The following SRGAP2B variants were observed in gnomAD, a reference collection of about 807,000 sequenced individuals.
The protein encoded by SRGAP2B is SLIT-ROBO Rho GTPase activating protein 2B.
In SRGAP2B, 9 loss-of-function variants were observed where a neutral mutation model predicts 22.2. That is an observed-to-expected ratio of 0.41 (90% confidence interval 0.24 to 0.71). The LOEUF is 0.71. Ranked by LOEUF, SRGAP2B falls within the 30% of genes least tolerant of loss-of-function variation. The probability of loss-of-function intolerance (pLI) is 0.35; values close to 1 mark genes in which losing one functional copy is unlikely to be tolerated. For missense variants in SRGAP2B, 114 were observed against 235.8 expected, an observed-to-expected ratio of 0.48 and a Z score of 3.38; for synonymous variants, 36 against 87.4, an observed-to-expected ratio of 0.41 and a Z score of 3.28.
rs1246754545 is a variant in SRGAP2B, at chr1:145,040,509, G to A, written c.68-45309C>T. Among the ~76,000 whole-genome samples, 5 of 150,672 alleles carry A rather than the reference G, an allele frequency of 3.3e-5. No homozygotes were observed. In the East Asian group the frequency reaches 9.8e-4, roughly 30 times the overall value. On this transcript the variant is annotated intron_variant, in intron 2 of 9. Coordinates refer to ENST00000612199, the Ensembl canonical transcript of SRGAP2B. Reference sequence around the variant, plus strand: ...AGATAGTAAATATTTTAGGCTTCTGGGCCATATGTTCTCTGTTGAAACTAC... The same window carrying A: ...AGATAGTAAATATTTTAGGCTTCTGAGCCATATGTTCTCTGTTGAAACTAC...
chr1:145,047,175 CAAAAAAAA>C (rs4058382), intron 2 of SRGAP2B, among the ~76,000 whole-genome samples: 1 of 14,572 alleles, frequency 6.9e-5, no homozygotes, highest in African/African-American at 5.5e-4. Context: ...GACTCTGTCT[CAAAAAAAA>C]AAAAAAAAAA....
chr1:144,968,628 G>A (rs1356430073), intron 3 of SRGAP2B, among the ~76,000 whole-genome samples: 1 of 119,094 alleles, frequency 8.4e-6, no homozygotes, highest in African/African-American at 3.5e-5. Flanking sequence ...ACATAGTGTT[G>A]GAAGTTCTGG....
chr1:145,040,871 C>T (rs500453), intron 2 of SRGAP2B, among the ~76,000 whole-genome samples: 397 of 133,536 alleles, frequency 3.0e-3, no homozygotes, highest in African/African-American at 8.1e-3. Context: ...CTTGCCGTTC[C>T]ACCCATCAGG....
At chr1:145,003,240 TA>T (rs1329226873) in intron 2 of SRGAP2B, among the ~76,000 whole-genome samples, 21 of 135,242 alleles carry the variant, frequency 1.6e-4, no homozygotes, top group East Asian at 4.3e-4. Context: ...AAAATAAAAA[TA>T]AAAAAAAAGA....
rs587690486 is a variant in SRGAP2B, at chr1:145,020,028, A to C, written c.68-24828T>G. On this transcript the variant is annotated intron_variant, in intron 2 of 9. Coordinates refer to ENST00000612199, the Ensembl canonical transcript of SRGAP2B. ...CTGAAATGCCCTTCCCCCAATATCCACGTGGCTTACACTCTTACCTCCTTT... is the reference window on the plus strand; with the variant it reads ...CTGAAATGCCCTTCCCCCAATATCCCCGTGGCTTACACTCTTACCTCCTTT... Among the ~76,000 whole-genome samples the C allele has an allele frequency of 1.4e-4, 21 of 150,580 alleles. No homozygotes were observed. The East Asian group carries it at 4.1e-3, about 29-fold the overall frequency.
intron 2 of SRGAP2B, among the ~76,000 whole-genome samples, chr1:145,017,503 GTTCT>G (rs1300722297): frequency 1.3e-5 from 2 of 149,744 alleles, no homozygotes; most frequent in African/African-American, 5.0e-5. Flanking sequence ...CCGTATCCCA[GTTCT>G]TTATTATTAA....
chr1:145,000,527 CA>C (rs1671066555), intron 2 of SRGAP2B, among the ~76,000 whole-genome samples: 1 of 147,758 alleles, frequency 6.8e-6, no homozygotes, highest in African/African-American at 2.6e-5. Flanking sequence ...CAACACCTGC[CA>C]ATGCAGATGA....
intron 4 of SRGAP2B, among the ~76,000 whole-genome samples, chr1:144,930,786 CCTT>C (rs1463597151): frequency 6.7e-6 from 1 of 148,798 alleles, no homozygotes; most frequent in Non-Finnish European, 1.5e-5. Flanking sequence ...GCATCTGTCT[CCTT>C]CTTTTCATTC....
At chr1:144,956,533 C>T (rs1311621471) in intron 3 of SRGAP2B, among the ~76,000 whole-genome samples, 107 of 118,810 alleles carry the variant, frequency 9.0e-4, no homozygotes, top group Middle Eastern at 7.8e-3. Flanking sequence ...CTGCAACCTC[C>T]GCCTCCCGCT....
rs112913566 is a variant in SRGAP2B at position 145,025,991 on chromosome 1, C to A, written c.68-30791G>T. Among the ~76,000 whole-genome samples the A allele has an allele frequency of 1.5e-4, 19 of 125,256 alleles. No homozygotes were observed. The East Asian group carries it at 4.4e-3, about 29-fold the overall frequency. 82.2% of individuals were successfully genotyped at this position (125,256 alleles called of 152,430 possible). A position where few individuals can be genotyped will look rare whatever the true frequency, so the allele number is the denominator to read the frequency against. ...GGAAAGGGAAAGAATGAATGAAAAT[C>A]CAGTTTTTAAAAAGAGGAAAAGAAA... On this transcript the variant is annotated intron_variant, in intron 2 of 9. Coordinates refer to ENST00000612199, the Ensembl canonical transcript of SRGAP2B.
At chr1:144,958,155 A>G (rs1667408809) in intron 3 of SRGAP2B, among the ~76,000 whole-genome samples, 1 of 151,328 alleles carries the variant, frequency 6.6e-6, no homozygotes. Context: ...TACAAACAAA[A>G]GGCCAGCTAG....
At chr1:145,088,752 C>A (rs2102498243) in intron 2 of SRGAP2B, among the ~76,000 whole-genome samples, 1 of 139,704 alleles carries the variant, frequency 7.2e-6, no homozygotes, top group East Asian at 2.1e-4. Context: ...CTGCTCCAAT[C>A]CCAGCAACAA....
chr1:144,905,670 G>A (rs1394407201), intron 6 of SRGAP2B, among the ~76,000 whole-genome samples, 189 bp downstream of exon 6: 6 of 149,658 alleles, frequency 4.0e-5, no homozygotes, highest in Admixed American at 2.0e-4. Context: ...TGGAACCCAC[G>A]TGCCCAGTTC....
intron 4 of SRGAP2B, among the ~76,000 whole-genome samples, chr1:144,939,089 G>T (rs587754668): frequency 4.5e-4 from 39 of 86,588 alleles, no homozygotes; most frequent in African/African-American, 1.8e-3. Context: ...ATTGTCAATG[G>T]CTCTCTTTGA....
intron 3 of SRGAP2B, among the ~76,000 whole-genome samples, chr1:144,983,150 T>C (rs1553615291): frequency 6.8e-6 from 1 of 146,968 alleles, no homozygotes; most frequent in Non-Finnish European, 1.5e-5. Context: ...CCTGGTACTT[T>C]CCTTCTCAAG....
Position 145,068,937 on chromosome 1 carries a change from GTGTGTGTGTGTA to G in SRGAP2B, c.67+23886_67+23897del, listed in dbSNP as rs1481048712. On this transcript the variant is annotated intron_variant, in intron 2 of 9. Coordinates refer to ENST00000612199, the Ensembl canonical transcript of SRGAP2B. Reference sequence around the variant, plus strand: ...TGTGTGTGTGTGTGTGTGTGTGTGTGTGTGTGTGTGTATGTGTATATATATATCTCTCTCTCA... The same window carrying G: ...TGTGTGTGTGTGTGTGTGTGTGTGTGTGTGTATATATATATCTCTCTCTCA... Among the ~76,000 whole-genome samples, 547 of 139,484 alleles carry G rather than the reference GTGTGTGTGTGTA, an allele frequency of 3.9e-3. 5 individuals are homozygous for G. Among genetic ancestry groups the G allele is most frequent in the Admixed American group, 7.8e-3 (103 of 13,236 alleles). The allele number at this position is 139,484 out of a possible 152,430, so 91.5% of individuals were successfully genotyped here. A position where few individuals can be genotyped will look rare whatever the true frequency, so the allele number is the denominator to read the frequency against.
At chr1:144,999,734 A>C (rs7548492) in intron 2 of SRGAP2B, among the ~76,000 whole-genome samples, 4,266 of 146,098 alleles carry the variant, frequency 0.029, 121 homozygotes, top group Non-Finnish European at 0.043. Flanking sequence ...ACTTGAATAA[A>C]AATTGCAGCT....
chr1:144,934,320 C>G (rs1443250227), intron 4 of SRGAP2B, among the ~76,000 whole-genome samples: 4 of 144,696 alleles, frequency 2.8e-5, no homozygotes, highest in Non-Finnish European at 4.5e-5. Flanking sequence ...AAGAGAATCA[C>G]TTGAACCTGG....
chr1:145,012,474 G>A (rs1367481554), intron 2 of SRGAP2B, among the ~76,000 whole-genome samples: 1 of 138,412 alleles, frequency 7.2e-6, no homozygotes, highest in African/African-American at 2.8e-5. Context: ...AAGGAGAGAT[G>A]CATTATCTAG....
Sources: gnomAD v4.1 joint callset for allele counts (sites outside exome capture counted in the v4.1 genomes callset) on GRCh38, gnomAD v4.1.1 for gene constraint, MANE v1.5 for transcripts, NCBI Gene and HGNC (gene_info 2026-07-23, HGNC 2026-07-21) for gene names.